TTN: variants seen among roughly 807,000 people sequenced by gnomAD.
TTN encodes connectin.
A neutral mutation model predicts 3,223.0 loss-of-function variants in TTN; 1,525 were observed. That is an observed-to-expected ratio of 0.47 (90% CI 0.45 to 0.49). The LOEUF (loss-of-function observed/expected upper bound fraction) is 0.49. Ranked by LOEUF, TTN falls within the 20% of genes least tolerant of loss-of-function variation. The probability of loss-of-function intolerance (pLI) is 0.00; values close to 1 mark genes in which losing one functional copy is unlikely to be tolerated. For synonymous variants in TTN, 14,094 were observed against 15,161.0 expected, an observed-to-expected ratio of 0.93 and a Z score of 5.17; for missense variants, 40,786 against 43,424.0, an observed-to-expected ratio of 0.94 and a Z score of 5.40.
At position 178,616,715 on chromosome 2, in the gene TTN, G is replaced by A; in HGVS notation, c.48160+14C>T. On this transcript the variant is annotated intron_variant, in intron 256 of 362. Transcript: ENST00000589042. ...TGCCAAATCACCTTAGATGATAAATGTTTTGTTCCTTACCAATTACATTGA... is the reference window on the plus strand; with the variant it reads ...TGCCAAATCACCTTAGATGATAAATATTTTGTTCCTTACCAATTACATTGA... 1 of 1,612,144 alleles carries A rather than the reference G, an allele frequency of 6.2e-7. No homozygotes were observed. The highest frequency in any genetic ancestry group is 8.5e-7 in the Non-Finnish European group (1 of 1,179,036).
In TTN at chr2:178,530,813, CTG is replaced by C; in HGVS notation, c.105800_105801del (p.Thr35267ArgfsTer31). The C allele has an allele frequency of 6.2e-7, 1 of 1,613,794 alleles. No homozygotes were observed. Among genetic ancestry groups the C allele is most frequent in the South Asian group, 1.1e-5 (1 of 91,066 alleles). On this transcript the variant is annotated frameshift_variant, in exon 358 of 363. Transcript: ENST00000589042. LOFTEE classifies it high-confidence loss of function. ...TTCTCTGTTGGTGTTGGTTTTGTCT[CTG>C]TGGGTGATACGGCTTTCGGGTGAGA... is the stretch of plus-strand genomic sequence containing the variant. The part of the protein sequence containing the change: ...EPSHPKAVSP[T>X]ETKPTPTEKV...
chr2:178,551,528 A>T, intron 335 of TTN, 102 bp downstream of exon 335: 1 of 1,020,722 alleles, frequency 9.8e-7, no homozygotes, highest in South Asian at 1.9e-5. Context: ...TGACAAGAAG[A>T]TATGTAAGAA....
chr2:178,650,617 A>G, intron 209 of TTN, 134 bp downstream of exon 209: 1 of 918,972 alleles, frequency 1.1e-6, no homozygotes, highest in Non-Finnish European at 1.6e-6. Flanking sequence ...GCTAATTTAG[A>G]ATGATGAATT....
Position 178,531,202 on chromosome 2 carries a change from A to G in TTN, c.105413T>C (p.Met35138Thr), listed in dbSNP as rs771741670. The G allele has an allele frequency of 7.0e-5, 113 of 1,613,856 alleles. No individual in the cohort carries two copies. Among genetic ancestry groups the G allele is most frequent in the Non-Finnish European group, 8.6e-5 (101 of 1,179,878 alleles). ...TGCAGACTCGCCCTCGTAGACGGTC[A>G]TGGACCGTGGCTTTGTTAGAATTCT... ...AARILTKPRS[M>T]TVYEGESARF... The change falls in exon 358 of 363, where the codon ATG (methionine) becomes ACG (threonine). Residue 35138 changes from methionine to threonine, a missense_variant. Met to Thr is a moderately conservative substitution (Grantham distance 81). Coordinates refer to ENST00000589042, the MANE Select transcript of TTN (RefSeq NM_001267550.2).
rs769998916 is a variant in TTN at position 178,779,469 on chromosome 2, A to G, written c.3730-7T>C. On this transcript the variant is annotated splice_polypyrimidine_tract_variant and splice_region_variant and intron_variant, in intron 22 of 362. Coordinates refer to ENST00000589042, the MANE Select transcript of TTN (RefSeq NM_001267550.2). ...AGGAAGAAATATGGAATTCCTATGC[A>G]AAAAGATTATGGTCTGTTAAAAATA... is the stretch of plus-strand genomic sequence containing the variant. 4.8e-6 allele frequency: 7 copies of G among 1,465,848 alleles called. No individual in the cohort carries two copies. The Admixed American group carries it at 1.2e-4, about 25-fold the overall frequency. 90.8% of individuals were successfully genotyped at this position (1,465,848 alleles called of 1,614,324 possible).
Position 178,680,012 on chromosome 2 carries a change from A to G in TTN, c.33462T>C (p.Phe11154=). ...CTACATGGGTTACAACTTCCTCTTC[A>G]AAGGCAACCTCTTCTGGTTCAAGTT... ...PKELEPEEVA[F]EEEVVTHVEE... Residue 11154 remains phenylalanine, a synonymous_variant, in exon 140 of 363, where the codon TTT becomes TTC. Coordinates refer to ENST00000589042, the MANE Select transcript of TTN (RefSeq NM_001267550.2). 6.2e-7 allele frequency: 1 copy of G among 1,613,256 alleles called. No homozygotes were observed.
At chr2:178,772,891 G>A in intron 33 of TTN, 1 of 596,244 alleles carries the variant, frequency 1.7e-6, no homozygotes, top group Non-Finnish European at 2.9e-6. Flanking sequence ...GAGAGATTAA[G>A]GAAGGTTTAA....
chr2:178,599,254 G>C lies in TTN; in HGVS notation c.56539C>G (p.Pro18847Ala). Residue 18847 changes from proline to alanine, a missense_variant, in exon 290 of 363, where the codon CCC becomes GCC. By Grantham distance (27) the Pro-to-Ala change is conservative. Transcript: ENST00000589042. Reference sequence around the variant, plus strand: ...TATTCATGGCCTTCTAGCAATTTGGGAATCGTGTACGTGCACTCCTTAGGT... The same window carrying C: ...TATTCATGGCCTTCTAGCAATTTGGCAATCGTGTACGTGCACTCCTTAGGT... The part of the protein sequence containing the change: ...SEPKECTYTI[P>A]KLLEGHEYVF... 1.3e-6 allele frequency: 2 copies of C among 1,562,562 alleles called. No homozygotes were observed. Among genetic ancestry groups the C allele is most frequent in the Non-Finnish European group, 8.6e-7 (1 of 1,160,572 alleles).
chr2:178,570,405 C>G lies in TTN; in HGVS notation c.75727G>C (p.Glu25243Gln), dbSNP rs1114167338. The G allele has an allele frequency of 6.2e-7, 1 of 1,613,150 alleles. No individual in the cohort carries two copies. The highest frequency in any genetic ancestry group is 1.7e-5 in the Admixed American group (1 of 59,966). ...GGSDIINYIV[E>Q]RRETSRLVWT... ...ACTAAGCGGCTGGTTTCTCTCCTTT[C>G]CACAATATAATTTATGATGTCACTC... The change falls in exon 326 of 363, where the codon GAA (glutamate) becomes CAA (glutamine). Residue 25243 changes from glutamate (E) to glutamine (Q), a missense_variant. Coordinates refer to ENST00000589042, the MANE Select transcript of TTN (RefSeq NM_001267550.2).
At chr2:178,580,833 G>T in intron 316 of TTN, 1 of 524,918 alleles carries the variant, frequency 1.9e-6, no homozygotes, top group Non-Finnish European at 3.3e-6. Context: ...TCCCCCCGGA[G>T]GATCTGTACC....
rs1436259872 is a variant in TTN, at chr2:178,707,765, A to T, written c.28802T>A (p.Val9601Glu). ...VFDQHLTPVT[V>E]SEGEYVQLSC... ...GAGCTGCACGTATTCTCCTTCACTC[A>T]CTGTTACTGGAGTAAGGTGCTGATC... The change falls in exon 100 of 363, where the codon GTG becomes GAG. Residue 9601 changes from valine (V) to glutamate (E), a missense_variant. Coordinates refer to ENST00000589042, the MANE Select transcript of TTN (RefSeq NM_001267550.2). 4 of 1,613,380 alleles carry T rather than the reference A, an allele frequency of 2.5e-6. No homozygotes were observed. The highest frequency in any genetic ancestry group is 3.4e-6 in the Non-Finnish European group (4 of 1,179,502).
At chr2:178,711,914 A>ATT (rs1560573295) in intron 96 of TTN, 30 bp downstream of exon 96, 1 of 1,530,194 alleles carries the variant, frequency 6.5e-7, no homozygotes, top group South Asian at 1.4e-5. Context: ...AGAAACACAA[A>ATT]TTCGTTCACT....
Position 178,621,985 on chromosome 2 carries a change from A to C in TTN, c.44937T>G (p.Ala14979=), listed in dbSNP as rs370413913. 2.9e-5 allele frequency: 47 copies of C among 1,609,370 alleles called. No homozygotes were observed. Among genetic ancestry groups the C allele is most frequent in the Admixed American group, 5.0e-5 (3 of 59,524 alleles). The part of the protein sequence containing the change: ...NAKVKWFKDG[A]EIKKGKKYDI... ...CATATTTTTTGCCCTTTTTAATTTCAGCACCATCTTTAAACCACTTAACCT... is the reference window on the plus strand; with the variant it reads ...CATATTTTTTGCCCTTTTTAATTTCCGCACCATCTTTAAACCACTTAACCT... Residue 14979 remains alanine, a synonymous_variant, in exon 244 of 363, where the codon GCT becomes GCG. Coordinates refer to ENST00000589042, the MANE Select transcript of TTN (RefSeq NM_001267550.2).
Position 178,598,977 on chromosome 2 carries a change from A to AT in TTN, c.56732dup (p.Asp18911GlufsTer25), listed in dbSNP as rs397517626. On this transcript the variant is annotated frameshift_variant, in exon 291 of 363. Transcript: ENST00000589042. LOFTEE classifies it high-confidence loss of function. ...AGTACCCTGTCACAGGAGAGCCTCC[A>AT]TCATATTCTGGCTCTTCCCAGTTGA... 3.7e-6 allele frequency: 6 copies of AT among 1,612,142 alleles called. No individual in the cohort carries two copies. The highest frequency in any genetic ancestry group is 5.1e-6 in the Non-Finnish European group (6 of 1,179,232).
intron 171 of TTN, 47 bp downstream of exon 171, chr2:178,663,580 G>C (rs1243380075): frequency 1.5e-5 from 25 of 1,613,464 alleles, no homozygotes; most frequent in Non-Finnish European, 2.1e-5. Flanking sequence ...ATATTTTCCA[G>C]AGCAGAAGAG....
At chr2:178,559,201 G>A in intron 326 of TTN, 110 bp downstream of exon 326, 1 of 994,286 alleles carries the variant, frequency 1.0e-6, no homozygotes. Flanking sequence ...GGGTGTGAAG[G>A]GTGTGAACCC....
At chr2:178,535,925 A>AC in intron 357 of TTN, 57 bp downstream of exon 357, 1 of 1,511,512 alleles carries the variant, frequency 6.6e-7, no homozygotes, top group Non-Finnish European at 8.8e-7. Context: ...AATAGCCTCC[A>AC]CCCCCAAGTT....
In TTN at chr2:178,665,378, T is replaced by G; in HGVS notation, c.36042A>C (p.Lys12014Asn). The stretch of plus-strand genomic sequence containing the variant: ...CACATTTGTTCAGAGGTAACGTACT[T>G]TTCATACGTGGAGTTTCTGGCTCTT... ...VPEEPETPRM[K>N]TPEAPQEIIP... Residue 12014 changes from lysine to asparagine, a missense_variant and splice_region_variant, in exon 165 of 363, where the codon AAA (lysine) becomes AAC (asparagine). Lys to Asn is a moderately conservative substitution (Grantham distance 94). Transcript: ENST00000589042. 1 of 1,612,042 alleles carries G rather than the reference T, an allele frequency of 6.2e-7. No individual in the cohort carries two copies. The highest frequency in any genetic ancestry group is 1.7e-4 in the Middle Eastern group (1 of 6,060).
chr2:178,805,359 A>G (rs2094268463), intron 1 of TTN, among the ~76,000 whole-genome samples: 1 of 151,826 alleles, frequency 6.6e-6, no homozygotes, highest in African/African-American at 2.4e-5. Context: ...AAAAAAAAAA[A>G]AAAAATTAAA....
Sources: allele counts gnomAD v4.1 joint callset (sites outside exome capture counted in the v4.1 genomes callset), GRCh38; gene constraint gnomAD v4.1.1; transcripts MANE v1.5; gene names NCBI Gene and HGNC (gene_info 2026-07-23, HGNC 2026-07-21).